KCNN3: variants seen among roughly 807,000 people sequenced by gnomAD.
KCNN3 encodes the protein small conductance calcium-activated potassium channel protein 3.
KCNN3 carries 16 observed loss-of-function variants against 62.9 expected under a neutral mutation model. The ratio of observed to expected loss-of-function variants is 0.25; its 90% CI spans 0.17 to 0.39. KCNN3 has a LOEUF of 0.39. KCNN3 is among the 10% of genes least tolerant of loss of function. The probability of loss-of-function intolerance (pLI) is 1.00; values close to 1 mark genes in which losing one functional copy is unlikely to be tolerated. For missense variants in KCNN3, 599 were observed against 949.4 expected, an observed-to-expected ratio of 0.63 and a Z score of 4.85; for synonymous variants, 370 against 389.2, an observed-to-expected ratio of 0.95 and a Z score of 0.58.
At chr1:154,739,544 A>T (rs1489361461) in intron 3 of KCNN3, among the ~76,000 whole-genome samples, 3 of 152,232 alleles carry the variant, frequency 2.0e-5, no homozygotes, top group Non-Finnish European at 4.4e-5. Context: ...CCACAAGAGT[A>T]TGGTAGGAAG....
intron 2 of KCNN3, among the ~76,000 whole-genome samples, chr1:154,792,697 G>T (rs554339726): frequency 2.6e-5 from 4 of 152,138 alleles, no homozygotes; most frequent in Non-Finnish European, 5.9e-5. Context: ...TTTGAGGGAA[G>T]ATTCCTCCCA....
At chr1:154,784,713 T>A (rs1361147387) in intron 2 of KCNN3, among the ~76,000 whole-genome samples, 2 of 152,214 alleles carry the variant, frequency 1.3e-5, no homozygotes, top group Non-Finnish European at 2.9e-5. Context: ...CCATTAACAA[T>A]GGTAACAGCA....
chr1:154,775,089 G>T (rs780396314), intron 2 of KCNN3, among the ~76,000 whole-genome samples: 3 of 152,240 alleles, frequency 2.0e-5, no homozygotes, highest in Non-Finnish European at 4.4e-5. Context: ...GGAATGAGGA[G>T]CCCTTTATTC....
At chr1:154,857,457 A>C (rs1652583600) in intron 1 of KCNN3, among the ~76,000 whole-genome samples, 1 of 140,508 alleles carries the variant, frequency 7.1e-6, no homozygotes, top group Non-Finnish European at 1.5e-5. Context: ...CCACTCCATG[A>C]GCACAAAACA....
chr1:154,801,509 G>A (rs150177752), intron 2 of KCNN3, among the ~76,000 whole-genome samples: 131 of 152,258 alleles, frequency 8.6e-4, no homozygotes, highest in Admixed American at 2.9e-3. Flanking sequence ...AAGGATGCTC[G>A]CTCCCACCCC....
In KCNN3 at chr1:154,707,592, C is replaced by T. The variant is rs564866454; in HGVS notation, c.*384G>A. The T allele has an allele frequency of 1.1e-5, 2 of 180,202 alleles. No homozygotes were observed. The highest frequency in any genetic ancestry group is 1.6e-4 in the East Asian group (1 of 6,266). 11.2% of individuals were successfully genotyped at this position (180,202 alleles called of 1,614,324 possible). Reference sequence around the variant, plus strand: ...CCCATCCCCCAAGCCTGACACAACCCTCCCTCCCAGCGGACCCCTCTTCTG... The same window carrying T: ...CCCATCCCCCAAGCCTGACACAACCTTCCCTCCCAGCGGACCCCTCTTCTG... On this transcript the variant is annotated 3_prime_UTR_variant, in exon 8 of 8. Coordinates refer to ENST00000271915, the MANE Select transcript of KCNN3 (RefSeq NM_002249.6).
chr1:154,726,218 C>T (rs1426820127), intron 4 of KCNN3, among the ~76,000 whole-genome samples, 192 bp from the exon 5 acceptor site: 3 of 152,202 alleles, frequency 2.0e-5, no homozygotes, highest in African/African-American at 4.8e-5. Flanking sequence ...TCCTGACCCA[C>T]AGAGGGGTCT....
chr1:154,794,929 T>G (rs1407334422), intron 2 of KCNN3, among the ~76,000 whole-genome samples: 2 of 152,194 alleles, frequency 1.3e-5, no homozygotes, highest in African/African-American at 4.8e-5. Flanking sequence ...TAGAGAGCTC[T>G]TTTTCATCCA....
At chr1:154,852,831 G>A (rs1652359236) in intron 1 of KCNN3, among the ~76,000 whole-genome samples, 1 of 152,100 alleles carries the variant, frequency 6.6e-6, no homozygotes, top group African/African-American at 2.4e-5. Flanking sequence ...GTGTCCACCG[G>A]ACAGTGCTGT....
At chr1:154,868,130 G>A (rs1460105412) in intron 1 of KCNN3, 2 of 985,442 alleles carry the variant, frequency 2.0e-6, no homozygotes, top group Admixed American at 1.2e-4. Context: ...AGGTGGGAGG[G>A]GAGAACTGGG....
chr1:154,736,986 C>G, intron 3 of KCNN3: 1 of 700,248 alleles, frequency 1.4e-6, no homozygotes, highest in Non-Finnish European at 2.6e-6. Context: ...TGGACATGCA[C>G]CCTGCTCTCC....
chr1:154,757,536 C>T (rs1647785141), intron 3 of KCNN3, among the ~76,000 whole-genome samples: 1 of 152,184 alleles, frequency 6.6e-6, no homozygotes, highest in Non-Finnish European at 1.5e-5. Context: ...AGTGCCCAAT[C>T]TAAACAGAGA....
Position 154,771,962 on chromosome 1 carries a change from C to T in KCNN3, c.1448+13G>A. ...GCACAGGCTCTGTACTCAGAAAGCC[C>T]CATGTGGAATACCTTTCACAGACAC... On this transcript the variant is annotated intron_variant, in intron 3 of 7. Coordinates refer to ENST00000271915, the MANE Select transcript of KCNN3 (RefSeq NM_002249.6). 5.6e-6 allele frequency: 9 copies of T among 1,613,490 alleles called. No individual in the cohort carries two copies. The highest frequency in any genetic ancestry group is 7.6e-6 in the Non-Finnish European group (9 of 1,179,648).
At chr1:154,755,801 GAAGAAGAAGAAGGCAAAGAAGAAGA>G (rs1647647295) in intron 3 of KCNN3, among the ~76,000 whole-genome samples, 1 of 147,050 alleles carries the variant, frequency 6.8e-6, no homozygotes, top group Non-Finnish European at 1.5e-5. Flanking sequence ...GGAGGAGGAG[GAAGAAGAAGAAGGCAAAGAAGAAGA>G]AGGAGGAGGA....
At position 154,712,717 on chromosome 1, in the gene KCNN3, G is replaced by A. The variant is rs1171045661; in HGVS notation, c.1899+747C>T. On this transcript the variant is annotated intron_variant, in intron 7 of 7. Coordinates refer to ENST00000271915, the MANE Select transcript of KCNN3 (RefSeq NM_002249.6). ...GAGGCAATGAGGAGAGGGGGCTGAG[G>A]AGGGGGAGGCCCTTTCTTCAGTGGC... Among the ~76,000 whole-genome samples, 8 of 152,306 alleles carry A rather than the reference G, an allele frequency of 5.3e-5. No individual in the cohort carries two copies. The South Asian group carries it at 8.3e-4, about 16-fold the overall frequency.
chr1:154,866,438 T>C (rs1259215008), intron 1 of KCNN3, among the ~76,000 whole-genome samples: 1 of 152,212 alleles, frequency 6.6e-6, no homozygotes, highest in African/African-American at 2.4e-5. Flanking sequence ...TAAAGCTCCA[T>C]GACTTATCCA....
At chr1:154,719,319 A>G (rs1700297422) in intron 5 of KCNN3, among the ~76,000 whole-genome samples, 1 of 152,174 alleles carries the variant, frequency 6.6e-6, no homozygotes, top group African/African-American at 2.4e-5. Context: ...AAATACACAC[A>G]TCTTGGACAA....
chr1:154,719,819 CCT>C (rs1314244327), intron 5 of KCNN3, among the ~76,000 whole-genome samples: 1 of 152,104 alleles, frequency 6.6e-6, no homozygotes, highest in Non-Finnish European at 1.5e-5. Context: ...TCCTCTTTTT[CCT>C]CCCCCTGTTC....
chr1:154,869,344 G>C lies in KCNN3; in HGVS notation c.621C>G (p.Pro207=). 1 of 1,613,936 alleles carries C rather than the reference G, an allele frequency of 6.2e-7. No homozygotes were observed. The highest frequency in any genetic ancestry group is 8.5e-7 in the Non-Finnish European group (1 of 1,179,834). The change falls in exon 1 of 8, where the codon CCC becomes CCG. Residue 207 remains proline, a synonymous_variant. Coordinates refer to ENST00000271915, the MANE Select transcript of KCNN3 (RefSeq NM_002249.6). The surrounding 1 kb of genome is among the most constrained non-coding windows in gnomAD (Gnocchi z 6.1). ...NLIEAETEGQ[P]LQLFSPSNPP... ...GGTTGCTAGGGCTGAAAAGCTGGAG[G>C]GGTTGGCCCTCAGTCTCGGCCTCGA...
Sources: allele counts gnomAD v4.1 joint callset (sites outside exome capture counted in the v4.1 genomes callset), GRCh38; gene constraint gnomAD v4.1.1; non-coding constraint Gnocchi (gnomAD v3.1); transcripts MANE v1.5; gene names NCBI Gene and HGNC (gene_info 2026-07-23, HGNC 2026-07-21).